The following ZNF507 variants were observed in gnomAD, a reference collection of about 807,000 sequenced individuals.
ZNF507 encodes the protein zinc finger protein 507.
In ZNF507, 29 loss-of-function variants were observed where a neutral mutation model predicts 80.0. The observed-to-expected ratio is 0.36, with a 90% CI of 0.27 to 0.49. The LOEUF (loss-of-function observed/expected upper bound fraction) is 0.49. Among genes scored for constraint, ZNF507 ranks in the 20% least tolerant of loss-of-function variants. The pLI is 0.98. For synonymous variants in ZNF507, 462 were observed against 422.5 expected (o/e 1.09, Z -1.15); for missense variants, 1,081 against 1,152.2 (o/e 0.94, Z 0.90).
Position 32,354,262 on chromosome 19 carries a change from G to C in ZNF507, c.1432G>C (p.Ala478Pro). 1.2e-6 allele frequency: 2 copies of C among 1,614,136 alleles called. No individual in the cohort carries two copies. Residue 478 changes from alanine (A) to proline (P), a missense_variant, in exon 3 of 7, where the codon GCC (alanine) becomes CCC (proline). Around this residue, in one of 6 missense-constraint regions of ZNF507, gnomAD observed 614 missense variants for 583.9 expected, o/e 1.05. Coordinates refer to ENST00000355898, the MANE Select transcript of ZNF507 (RefSeq NM_001136156.2). ...MNKGLATDEN[A>P]PPGRRRTNSE... is the part of the protein sequence containing the mutation. ...TAAAGGCCTGGCTACTGATGAGAATGCCCCACCAGGCCGGAGAAGGACAAA... is the reference window on the plus strand; with the variant it reads ...TAAAGGCCTGGCTACTGATGAGAATCCCCCACCAGGCCGGAGAAGGACAAA...
rs550386798 is a variant in ZNF507 at position 32,387,359 on chromosome 19, C to G, written c.*4276C>G. 2.0e-5 allele frequency: 3 copies of G among 152,266 alleles called. No homozygotes were observed. Among genetic ancestry groups the G allele is most frequent in the African/African-American group, 7.2e-5 (3 of 41,566 alleles). 9.4% of individuals were successfully genotyped at this position (152,266 alleles called of 1,614,324 possible). A position where few individuals can be genotyped will look rare whatever the true frequency, so the allele number is the denominator to read the frequency against. ...TGGTTATCCATTTGTGCCCTAGAATCCTGGGTCACCTCAGTTGAAAGTGAC... is the reference window on the plus strand; with the variant it reads ...TGGTTATCCATTTGTGCCCTAGAATGCTGGGTCACCTCAGTTGAAAGTGAC... On this transcript the variant is annotated 3_prime_UTR_variant, in exon 7 of 7. Coordinates refer to ENST00000355898, the MANE Select transcript of ZNF507 (RefSeq NM_001136156.2).
At chr19:32,380,741 G>A in intron 5 of ZNF507, 1 of 939,010 alleles carries the variant, frequency 1.1e-6, no homozygotes, top group Non-Finnish European at 1.6e-6. Flanking sequence ...CAGCAATTAT[G>A]CTCCTGAGTG....
chr19:32,354,204 G>T lies in ZNF507; in HGVS notation c.1374G>T (p.Trp458Cys). The T allele has an allele frequency of 6.2e-7, 1 of 1,613,648 alleles. No homozygotes were observed. The highest frequency in any genetic ancestry group is 8.5e-7 in the Non-Finnish European group (1 of 1,180,020). The stretch of plus-strand genomic sequence containing the variant: ...ATATTGGGGGATTGATCATAGGCTG[G>T]AGCAGTTCAGAGAAAAAAGACGAGT... The part of the protein sequence containing the change: ...TVDIGGLIIG[W>C]SSSEKKDELM... The change falls in exon 3 of 7, where the codon TGG (tryptophan) becomes TGT (cysteine). Residue 458 changes from tryptophan (W) to cysteine (C), a missense_variant. Trp to Cys is a radical substitution (Grantham distance 215). Around this residue, in one of 6 missense-constraint regions of ZNF507, gnomAD observed 614 missense variants for 583.9 expected, o/e 1.05. Coordinates refer to ENST00000355898, the MANE Select transcript of ZNF507 (RefSeq NM_001136156.2).
At chr19:32,375,995 T>C (rs1449193050) in intron 5 of ZNF507, among the ~76,000 whole-genome samples, 2 of 152,190 alleles carry the variant, frequency 1.3e-5, no homozygotes, top group Non-Finnish European at 2.9e-5. Context: ...AAGATTTTTA[T>C]ACAAAGATGA....
In ZNF507 at chr19:32,384,859, T is replaced by G. The variant is rs1360040164; in HGVS notation, c.*1776T>G. ...TGGTTTTTAAAAATATGAAATGGAT[T>G]TATATATACTATATTCCTCAAATCC... On this transcript the variant is annotated 3_prime_UTR_variant, in exon 7 of 7. Transcript: ENST00000355898. 1 of 152,204 alleles carries G rather than the reference T, an allele frequency of 6.6e-6. No individual in the cohort carries two copies. The highest frequency in any genetic ancestry group is 1.5e-5 in the Non-Finnish European group (1 of 68,042). 9.4% of individuals were successfully genotyped at this position (152,204 alleles called of 1,614,324 possible).
chr19:32,382,985 A>G lies in ZNF507; in HGVS notation c.2764A>G (p.Ser922Gly), dbSNP rs764181792. The G allele has an allele frequency of 3.1e-6, 5 of 1,614,184 alleles. No individual in the cohort carries two copies. The highest frequency in any genetic ancestry group is 3.4e-6 in the Non-Finnish European group (4 of 1,180,018). The part of the protein sequence containing the change: ...CCCICGFEST[S>G]KENLLDHMKE... ...TTGTATTTGTGGTTTTGAATCAACCAGCAAAGAAAACCTCTTGGATCATAT... is the reference window on the plus strand; with the variant it reads ...TTGTATTTGTGGTTTTGAATCAACCGGCAAAGAAAACCTCTTGGATCATAT... The change falls in exon 7 of 7, where the codon AGC becomes GGC. Residue 922 changes from serine to glycine, a missense_variant. Physicochemically the swap from Ser to Gly is moderately conservative, Grantham distance 56. This residue lies in a region of ZNF507 where 138 missense variants were observed against 158.4 expected (regional missense o/e 0.87). Transcript: ENST00000355898.
chr19:32,361,884 C>T (rs1967333181), intron 5 of ZNF507, among the ~76,000 whole-genome samples: 2 of 136,472 alleles, frequency 1.5e-5, no homozygotes, highest in Non-Finnish European at 3.2e-5. Flanking sequence ...CTTTCCCTCC[C>T]CTCCCTCCCT....
At chr19:32,360,676 A>C (rs1253654009) in intron 5 of ZNF507, 58 bp downstream of exon 5, 2 of 898,168 alleles carry the variant, frequency 2.2e-6, no homozygotes, top group African/African-American at 1.7e-5. Flanking sequence ...ATATTAAAGA[A>C]ATAAAATGAA....
chr19:32,355,861 T>A (rs1177953435), intron 3 of ZNF507, among the ~76,000 whole-genome samples: 1 of 152,066 alleles, frequency 6.6e-6, no homozygotes, highest in African/African-American at 2.4e-5. Context: ...TAGCTGGGTA[T>A]GGTGGTGGGC....
At chr19:32,377,297 A>T (rs2145341482) in intron 5 of ZNF507, among the ~76,000 whole-genome samples, 1 of 152,270 alleles carries the variant, frequency 6.6e-6, no homozygotes, top group East Asian at 1.9e-4. Flanking sequence ...TTACCGCTAG[A>T]CCAAGGAGCC....
rs1222646981 is a variant in ZNF507, at chr19:32,353,321, C to G, written c.491C>G (p.Ser164Cys). 4.3e-6 allele frequency: 7 copies of G among 1,614,096 alleles called. No homozygotes were observed. The highest frequency in any genetic ancestry group is 1.7e-5 in the Admixed American group (1 of 60,006). Residue 164 changes from serine (S) to cysteine (C), a missense_variant, in exon 3 of 7, where the codon TCT becomes TGT. Around this residue, in one of 6 missense-constraint regions of ZNF507, gnomAD observed 275 missense variants for 303.9 expected, o/e 0.90. Coordinates refer to ENST00000355898, the MANE Select transcript of ZNF507 (RefSeq NM_001136156.2). Reference protein sequence around the residue: ...ILMCSECHITSRSQEELEAHV... With the variant: ...ILMCSECHITCRSQEELEAHV... Reference sequence around the variant, plus strand: ...ATGTGCTCAGAGTGCCATATTACATCTAGAAGCCAGGAGGAACTTGAAGCC... The same window carrying G: ...ATGTGCTCAGAGTGCCATATTACATGTAGAAGCCAGGAGGAACTTGAAGCC...
At chr19:32,355,025 A>T (rs1967233837) in intron 3 of ZNF507, 68 bp downstream of exon 3, 3 of 1,385,386 alleles carry the variant, frequency 2.2e-6, no homozygotes, top group South Asian at 1.5e-5. Flanking sequence ...AACTTTGTAG[A>T]TCTAATCCAA....
At chr19:32,357,204 AAGC>A (rs1967264822) in intron 4 of ZNF507, 1 of 152,568 alleles carries the variant, frequency 6.6e-6, no homozygotes, top group Admixed American at 6.5e-5. Flanking sequence ...AAAAAAAAAA[AAGC>A]ACACACACAG....
intron 3 of ZNF507, among the ~76,000 whole-genome samples, chr19:32,356,222 T>A (rs2145319947): frequency 6.6e-6 from 1 of 152,286 alleles, no homozygotes; most frequent in Admixed American, 6.5e-5. Flanking sequence ...TCTTACACAT[T>A]TAGATATTTC....
chr19:32,355,571 T>C (rs1967241019), intron 3 of ZNF507, among the ~76,000 whole-genome samples: 1 of 152,194 alleles, frequency 6.6e-6, no homozygotes, highest in African/African-American at 2.4e-5. Flanking sequence ...TCAAAACCAA[T>C]ATCCTGTATG....
At chr19:32,375,730 A>ATATTTTATTT (rs1452412275) in intron 5 of ZNF507, among the ~76,000 whole-genome samples, 4 of 152,236 alleles carry the variant, frequency 2.6e-5, no homozygotes, top group Non-Finnish European at 5.9e-5. Context: ...TTTTATTTAT[A>ATATTTTATTT]ATTTTCCCTT....
intron 5 of ZNF507, among the ~76,000 whole-genome samples, chr19:32,379,341 G>A (rs1967594373): frequency 6.6e-6 from 1 of 152,212 alleles, no homozygotes; most frequent in African/African-American, 2.4e-5. Flanking sequence ...AGAATAAAAT[G>A]TAGTGATTTT....
At chr19:32,363,981 T>C (rs1908091504) in intron 5 of ZNF507, among the ~76,000 whole-genome samples, 1 of 152,210 alleles carries the variant, frequency 6.6e-6, no homozygotes, top group South Asian at 2.1e-4. Context: ...GGGAATGTTA[T>C]GCCATACTAA....
chr19:32,366,598 A>G (rs745660139), intron 5 of ZNF507, among the ~76,000 whole-genome samples: 66 of 152,308 alleles, frequency 4.3e-4, no homozygotes, highest in Admixed American at 9.8e-4. Flanking sequence ...CAATTTATTC[A>G]TTGTTCTGTG....
Sources: gnomAD v4.1 joint callset for allele counts (sites outside exome capture counted in the v4.1 genomes callset) on GRCh38, gnomAD v4.1.1 for gene constraint, gnomAD v4.1.1 regional missense constraint, MANE v1.5 for transcripts, NCBI Gene and HGNC (gene_info 2026-07-23, HGNC 2026-07-21) for gene names.